Variants in ALK observed in about 807,000 individuals in gnomAD.
The protein encoded by ALK is ALK receptor tyrosine kinase, also known as ALK tyrosine kinase receptor.
ALK carries 74 observed loss-of-function variants against 163.1 expected under a neutral mutation model. The ratio of observed to expected loss-of-function variants is 0.45; its 90% confidence interval spans 0.38 to 0.55. The LOEUF is 0.55. Ranked by LOEUF, ALK falls within the 20% of genes least tolerant of loss-of-function variation. The pLI is 0.00. For synonymous variants in ALK, 960 were observed against 843.2 expected (o/e 1.14, Z -2.40); for missense variants, 2,063 against 2,105.3 (o/e 0.98, Z 0.39).
chr2:29,259,723 C>T (rs186264002), intron 11 of ALK, among the ~76,000 whole-genome samples: 80 of 151,908 alleles, frequency 5.3e-4, no homozygotes, highest in Middle Eastern at 3.4e-3. Flanking sequence ...ACATTGGTAC[C>T]GCTCATTCTG....
chr2:29,894,964 A>G (rs998288070), intron 1 of ALK, among the ~76,000 whole-genome samples: 10 of 152,330 alleles, frequency 6.6e-5, no homozygotes, highest in African/African-American at 2.4e-4. Context: ...TGGGAACCAT[A>G]AAAAGCCCCA....
rs200173593 is a variant in ALK, at chr2:29,640,744, AG to A, written c.952+54105del. On this transcript the variant is annotated intron_variant, in intron 3 of 28. Transcript: ENST00000389048. The stretch of plus-strand genomic sequence containing the variant: ...TTATGTCCTTTTGGGGCTTACTATT[AG>A]TGGGGGAAGAAATACATTAAGCAAG... 4.4e-3 allele frequency among the ~76,000 whole-genome samples: 666 copies of A among 152,286 alleles called. 4 individuals are homozygous for A. Among genetic ancestry groups the A allele is most frequent in the African/African-American group, 0.015 (611 of 41,558 alleles).
chr2:29,411,471 C>A (rs1208391746), intron 4 of ALK, among the ~76,000 whole-genome samples: 4 of 151,958 alleles, frequency 2.6e-5, no homozygotes, highest in African/African-American at 4.8e-5. Context: ...TGTTTTCAAA[C>A]CTTTTTCTTT....
intron 15 of ALK, among the ~76,000 whole-genome samples, chr2:29,229,543 T>G (rs941991561): frequency 1.3e-5 from 2 of 152,190 alleles, no homozygotes; most frequent in African/African-American, 4.8e-5. Flanking sequence ...CTAAAGTTCC[T>G]TGCAGGAATC....
chr2:29,738,845 C>A (rs976854082), intron 1 of ALK, among the ~76,000 whole-genome samples: 11 of 152,122 alleles, frequency 7.2e-5, no homozygotes, highest in Admixed American at 5.9e-4. Context: ...TCAGAACACA[C>A]AAGGATATTT....
chr2:29,607,993 G>A (rs1214194013), intron 3 of ALK, among the ~76,000 whole-genome samples: 2 of 151,734 alleles, frequency 1.3e-5, no homozygotes, highest in African/African-American at 4.9e-5. Context: ...TTTAAGTTTA[G>A]GGGTATGTGT....
chr2:29,374,835 C>T (rs1017359000), intron 5 of ALK, among the ~76,000 whole-genome samples: 4 of 152,088 alleles, frequency 2.6e-5, no homozygotes, highest in Admixed American at 6.6e-5. Context: ...AGAAGGAGAG[C>T]GTTTTTAAAA....
intron 4 of ALK, among the ~76,000 whole-genome samples, chr2:29,421,405 C>T (rs563629559): frequency 1.3e-5 from 2 of 151,614 alleles, no homozygotes; most frequent in East Asian, 3.9e-4. Context: ...ATTCATTCCA[C>T]ATTTGTTGAG....
chr2:29,853,924 T>TC (rs1316902658), intron 1 of ALK, among the ~76,000 whole-genome samples: 1 of 151,004 alleles, frequency 6.6e-6, no homozygotes, highest in South Asian at 2.1e-4. Context: ...TTTTTTTTTT[T>TC]CCTGAGACAG....
At chr2:29,896,447 A>G (rs1572479828) in intron 1 of ALK, among the ~76,000 whole-genome samples, 1 of 152,276 alleles carries the variant, frequency 6.6e-6, no homozygotes, top group Middle Eastern at 3.4e-3. Flanking sequence ...AATGAGGTCA[A>G]TAAGGGTGGG....
chr2:29,449,736 C>T (rs1670776277), intron 4 of ALK, among the ~76,000 whole-genome samples: 1 of 152,190 alleles, frequency 6.6e-6, no homozygotes, highest in African/African-American at 2.4e-5. Context: ...TCAGAACCCC[C>T]ATCTGTTCTG....
chr2:29,384,087 A>C (rs1030952513), intron 4 of ALK, among the ~76,000 whole-genome samples: 1 of 152,204 alleles, frequency 6.6e-6, no homozygotes, highest in East Asian at 1.9e-4. Flanking sequence ...TCACGAACCC[A>C]GTCTCACCAC....
At chr2:29,640,409 T>G (rs1676668572) in intron 3 of ALK, among the ~76,000 whole-genome samples, 1 of 152,092 alleles carries the variant, frequency 6.6e-6, no homozygotes, top group Non-Finnish European at 1.5e-5. Flanking sequence ...TTTAAAAGTG[T>G]GTGACACCTA....
intron 5 of ALK, among the ~76,000 whole-genome samples, chr2:29,335,907 A>G (rs13035959): frequency 0.48 from 72,541 of 151,760 alleles, 17,552 homozygotes; most frequent in South Asian, 0.53. Context: ...GGGCGTGGTC[A>G]TGGACACCTG....
chr2:29,467,751 A>G (rs1338977359), intron 4 of ALK, among the ~76,000 whole-genome samples: 4 of 152,212 alleles, frequency 2.6e-5, no homozygotes, highest in Admixed American at 1.3e-4. Flanking sequence ...TCATGAGTAT[A>G]TTACAGAGTT....
chr2:29,511,648 T>C (rs1012485664), intron 4 of ALK, among the ~76,000 whole-genome samples: 1 of 152,186 alleles, frequency 6.6e-6, no homozygotes, highest in African/African-American at 2.4e-5. Context: ...CTTGAGTAAA[T>C]GTCCAGACAG....
chr2:29,306,185 C>T (rs1464287447), intron 8 of ALK, among the ~76,000 whole-genome samples: 7 of 152,308 alleles, frequency 4.6e-5, no homozygotes, highest in East Asian at 3.9e-4. Context: ...GGCGCTTGCA[C>T]GTAGGCTTAT....
chr2:29,365,547 T>A (rs1228187109), intron 5 of ALK, among the ~76,000 whole-genome samples: 2 of 152,200 alleles, frequency 1.3e-5, no homozygotes, highest in Non-Finnish European at 2.9e-5. Flanking sequence ...AAGACACAAG[T>A]GGTGCTTTCC....
chr2:29,235,857 T>G (rs11675326), intron 13 of ALK, among the ~76,000 whole-genome samples: 1 of 26,926 alleles, frequency 3.7e-5, no homozygotes, highest in Non-Finnish European at 7.9e-5. Context: ...CAGGCTCGAC[T>G]TTTTTTTTTT....
Sources: gnomAD v4.1 joint callset for allele counts (sites outside exome capture counted in the v4.1 genomes callset) on GRCh38, gnomAD v4.1.1 for gene constraint, MANE v1.5 for transcripts, NCBI Gene and HGNC (gene_info 2026-07-23, HGNC 2026-07-21) for gene names.